TEP1: variants seen among roughly 807,000 people sequenced by gnomAD.
TEP1 encodes telomerase protein component 1.
Under a neutral mutation model 306.3 loss-of-function variants are expected in TEP1, and 241 were observed. The observed-to-expected ratio is 0.79, with a 90% CI of 0.71 to 0.88. The LOEUF (loss-of-function observed/expected upper bound fraction) is 0.88, where lower values mean the gene tolerates loss of function less well. TEP1 is among the 40% of genes least tolerant of loss of function. TEP1 has a pLI of 0.00. For synonymous variants in TEP1, 1,289 were observed against 1,305.5 expected, an observed-to-expected ratio of 0.99 and a Z score of 0.27; for missense variants, 3,051 against 3,276.1, an observed-to-expected ratio of 0.93 and a Z score of 1.68.
chr14:20,380,189 G>C, intron 34 of TEP1, 46 bp downstream of exon 34: 2 of 1,595,382 alleles, frequency 1.3e-6, no homozygotes, highest in Non-Finnish European at 1.7e-6. Flanking sequence ...AAGAGCTGCA[G>C]CTTGCTCTCT....
chr14:20,378,067 A>C lies in TEP1; in HGVS notation c.5678T>G (p.Leu1893Arg). ...CGTCAGTAACTGGCAACCCGCATGCAGGAAAAGCGCAGCAGCAACAAAGCC... is the reference window on the plus strand; with the variant it reads ...CGTCAGTAACTGGCAACCCGCATGCCGGAAAAGCGCAGCAGCAACAAAGCC... ...HHGFVAAALF[L>R]HAGCQLLTAG... Residue 1893 changes from leucine to arginine, a missense_variant, in exon 39 of 55, where the codon CTG becomes CGG. Leu to Arg is a moderately radical substitution (Grantham distance 102, BLOSUM62 -2). Transcript: ENST00000262715. The C allele has an allele frequency of 6.2e-7, 1 of 1,613,744 alleles. No homozygotes were observed. The highest frequency in any genetic ancestry group is 8.5e-7 in the Non-Finnish European group (1 of 1,180,020).
At position 20,391,054 on chromosome 14, in the gene TEP1, T is replaced by A. The variant is rs1877669460; in HGVS notation, c.2140A>T (p.Thr714Ser). The change falls in exon 14 of 55, where the codon ACG becomes TCG. Residue 714 changes from threonine (T) to serine (S), a missense_variant. Physicochemically the swap from Thr to Ser is moderately conservative, Grantham distance 58. Coordinates refer to ENST00000262715, the MANE Select transcript of TEP1 (RefSeq NM_007110.5). ...YALLLIGMMI[T>S]RAEQVDVVLC... ...ACGACGTCCACCTGCTCCGCCCTCG[T>A]GATCATCATCCCAATCAACAGCAGT... 1.2e-5 allele frequency: 20 copies of A among 1,614,046 alleles called. No homozygotes were observed. The highest frequency in any genetic ancestry group is 2.7e-5 in the African/African-American group (2 of 74,926).
chr14:20,403,404 T>G lies in TEP1; in HGVS notation c.1239A>C (p.Ile413=), dbSNP rs1203916262. Residue 413 remains isoleucine, a synonymous_variant, in exon 7 of 55, where the codon ATA becomes ATC. Coordinates refer to ENST00000262715, the MANE Select transcript of TEP1 (RefSeq NM_007110.5). ...PFSHRCFPRY[I]GFLREEQRKF... The stretch of plus-strand genomic sequence containing the variant: ...TTCTCTGCTCTTCTCTGAGAAACCC[T>G]ATGTACCTTGGAAAACATCTGTGAG... 7 of 1,614,052 alleles carry G rather than the reference T, an allele frequency of 4.3e-6. No homozygotes were observed. The highest frequency in any genetic ancestry group is 5.9e-6 in the Non-Finnish European group (7 of 1,180,036).
chr14:20,393,995 G>C (rs1018432099), intron 12 of TEP1, among the ~76,000 whole-genome samples: 1 of 152,096 alleles, frequency 6.6e-6, no homozygotes, highest in African/African-American at 2.4e-5. Context: ...GCTGAGGCAG[G>C]AGAATCACTT....
In TEP1 at chr14:20,382,291, T is replaced by C; in HGVS notation, c.4206A>G (p.Thr1402=). The change falls in exon 29 of 55, where the codon ACA becomes ACG. Residue 1402 remains threonine (T), a synonymous_variant. Coordinates refer to ENST00000262715, the MANE Select transcript of TEP1 (RefSeq NM_007110.5). ...CATCAGGCCCGTGCTCCTTCTCCAG[T>C]GTGCTCAGGATGTGCTGCAGCAGCA... The part of the protein sequence containing the change: ...VPLLLQHILS[T]LEKEHGPDVL... 1.2e-6 allele frequency: 2 copies of C among 1,614,048 alleles called. No homozygotes were observed. Among genetic ancestry groups the C allele is most frequent in the Non-Finnish European group, 1.7e-6 (2 of 1,179,974 alleles).
At position 20,377,275 on chromosome 14, in the gene TEP1, A is replaced by G. The variant is rs752541836; in HGVS notation, c.6088+5T>C. The G allele has an allele frequency of 4.4e-6, 7 of 1,607,538 alleles. No homozygotes were observed. The Admixed American group carries it at 8.4e-5, about 19-fold the overall frequency. ...TTGTTAACCCTGCCCACTGTCTAGTAGTACCTGAGGCAGAAGCCAAGAGCT... is the reference window on the plus strand; with the variant it reads ...TTGTTAACCCTGCCCACTGTCTAGTGGTACCTGAGGCAGAAGCCAAGAGCT... On this transcript the variant is annotated splice_donor_5th_base_variant and intron_variant, in intron 41 of 54. Transcript: ENST00000262715.
At position 20,377,743 on chromosome 14, in the gene TEP1, C is replaced by A. The variant is rs1885273989; in HGVS notation, c.5732G>T (p.Trp1911Leu). The A allele has an allele frequency of 6.2e-7, 1 of 1,613,430 alleles. No individual in the cohort carries two copies. Among genetic ancestry groups the A allele is most frequent in the African/African-American group, 1.3e-5 (1 of 74,838 alleles). ...ACGGGGCCGACCCAGAGACCCTGAC[C>A]ACACCTGAACCTGGGAACCAAGAAA... ...TAGEDGKVQV[W>L]SGSLGRPRGH... Residue 1911 changes from tryptophan (W) to leucine (L), a missense_variant, in exon 40 of 55, where the codon TGG becomes TTG. Trp to Leu is a moderately conservative substitution (Grantham distance 61). Coordinates refer to ENST00000262715, the MANE Select transcript of TEP1 (RefSeq NM_007110.5).
At chr14:20,409,307 C>T (rs1393667718) in intron 1 of TEP1, among the ~76,000 whole-genome samples, 1 of 152,150 alleles carries the variant, frequency 6.6e-6, no homozygotes, top group East Asian at 1.9e-4. Flanking sequence ...CTGAGGGATT[C>T]TTTCTCTGCC....
chr14:20,396,845 G>A lies in TEP1; in HGVS notation c.1550-115C>T, dbSNP rs112784545. On this transcript the variant is annotated intron_variant, in intron 9 of 54. Transcript: ENST00000262715. ...GAGACAGAAGGATCACTTGAGCCCAGAACCCAGGAATTAGAGTCCAGCCTG... is the reference window on the plus strand; with the variant it reads ...GAGACAGAAGGATCACTTGAGCCCAAAACCCAGGAATTAGAGTCCAGCCTG... 5.7e-5 allele frequency: 36 copies of A among 626,656 alleles called. 2 individuals carry two copies. The highest frequency in any genetic ancestry group is 5.5e-4 in the African/African-American group (30 of 54,114). 38.8% of individuals were successfully genotyped at this position (626,656 alleles called of 1,614,324 possible).
chr14:20,377,727 A>G lies in TEP1; in HGVS notation c.5748T>C (p.Gly1916=). The G allele has an allele frequency of 6.2e-7, 1 of 1,613,830 alleles. No homozygotes were observed. The highest frequency in any genetic ancestry group is 1.7e-5 in the Admixed American group (1 of 59,986). The part of the protein sequence containing the change: ...GKVQVWSGSL[G]RPRGHLGSLS... ...GGGAACCCAGGTGCCCACGGGGCCG[A>G]CCCAGAGACCCTGACCACACCTGAA... Residue 1916 remains glycine, a synonymous_variant, in exon 40 of 55, where the codon GGT becomes GGC. Coordinates refer to ENST00000262715, the MANE Select transcript of TEP1 (RefSeq NM_007110.5).
At chr14:20,386,415 G>A (rs745704966) in intron 19 of TEP1, 32 bp downstream of exon 19, 8 of 1,580,698 alleles carry the variant, frequency 5.1e-6, no homozygotes, top group African/African-American at 1.4e-5. Context: ...CCTCATCCCC[G>A]ACCCAGCCCC....
chr14:20,391,885 T>G, intron 12 of TEP1, 118 bp from the exon 13 acceptor site: 2 of 1,115,758 alleles, frequency 1.8e-6, no homozygotes, highest in Non-Finnish European at 2.6e-6. Flanking sequence ...TCAAGCACCA[T>G]ACCCGCTTCC....
In TEP1 at chr14:20,376,348, TG is replaced by T. The variant is rs1885177166; in HGVS notation, c.6089-85del. ...GGGAGGCCAAAGACAGGAGCGGCCA[TG>T]GGGGCTGAGGGTGACACCTGAGGCT... On this transcript the variant is annotated intron_variant, in intron 41 of 54. Coordinates refer to ENST00000262715, the MANE Select transcript of TEP1 (RefSeq NM_007110.5). 4 of 1,445,792 alleles carry T rather than the reference TG, an allele frequency of 2.8e-6. No homozygotes were observed. The Admixed American group carries it at 6.6e-5, about 24-fold the overall frequency. The allele number at this position is 1,445,792 out of a possible 1,614,324, so 89.6% of individuals were successfully genotyped here.
chr14:20,384,474 G>A lies in TEP1; in HGVS notation c.3256C>T (p.Arg1086Trp), dbSNP rs35099769. 3.4e-4 allele frequency: 552 copies of A among 1,613,952 alleles called. 1 individual carries two copies. In the African/African-American group the frequency reaches 6.5e-3, roughly 19 times the overall value. The change falls in exon 23 of 55, where the codon CGG becomes TGG. Residue 1086 changes from arginine (R) to tryptophan (W), a missense_variant. By Grantham distance (101) the Arg-to-Trp change is moderately radical. Coordinates refer to ENST00000262715, the MANE Select transcript of TEP1 (RefSeq NM_007110.5). ...TCCTCCAGCCCGCCAACATAGGGCC[G>A]GCCAGCTGCCACACCCCCCCACTCA... ...PCEWGGVAAGRPYVGGLEEFG... is the reference protein window; with the variant it reads ...PCEWGGVAAGWPYVGGLEEFG...
In TEP1 at chr14:20,381,500, C is replaced by T; in HGVS notation, c.4558+53G>A. On this transcript the variant is annotated intron_variant, in intron 31 of 54. Coordinates refer to ENST00000262715, the MANE Select transcript of TEP1 (RefSeq NM_007110.5). The surrounding 1 kb of genome is among the most constrained non-coding windows in gnomAD (Gnocchi z 4.0). ...TGGGAGCACAGTGGGTGGTCCTGGC[C>T]TCCAGGCCCAAGCCCCACACTCAGT... 1 of 1,612,770 alleles carries T rather than the reference C, an allele frequency of 6.2e-7. No homozygotes were observed. The highest frequency in any genetic ancestry group is 8.5e-7 in the Non-Finnish European group (1 of 1,179,980).
Position 20,369,865 on chromosome 14 carries a change from G to A in TEP1, c.7318-86C>T. Reference sequence around the variant, plus strand: ...AACAACAGTTTTCTGCTCTGGGCTGGTCAGGAATTTTTTTTTTTTTTAACT... The same window carrying A: ...AACAACAGTTTTCTGCTCTGGGCTGATCAGGAATTTTTTTTTTTTTTAACT... On this transcript the variant is annotated intron_variant, in intron 51 of 54. Coordinates refer to ENST00000262715, the MANE Select transcript of TEP1 (RefSeq NM_007110.5). 5 of 1,057,998 alleles carry A rather than the reference G, an allele frequency of 4.7e-6. No homozygotes were observed. The South Asian group carries it at 7.5e-5, about 16-fold the overall frequency. The allele number at this position is 1,057,998 out of a possible 1,614,324, so 65.5% of individuals were successfully genotyped here.
At chr14:20,380,593 C>G (rs1885476404) in intron 33 of TEP1, 118 bp from the exon 34 acceptor site, 1 of 1,416,726 alleles carries the variant, frequency 7.1e-7, no homozygotes, top group Non-Finnish European at 9.3e-7. Flanking sequence ...CCCTCTGGCC[C>G]TATATCAGGA....
In TEP1 at chr14:20,390,931, G is replaced by A. The variant is rs1594353915; in HGVS notation, c.2256+7C>T. ...TATTTTTGGATGGTGGGTGTTGAGT[G>A]TCTGACCTGGACTTGAGCCTGGAGC... On this transcript the variant is annotated splice_region_variant and intron_variant, in intron 14 of 54. Coordinates refer to ENST00000262715, the MANE Select transcript of TEP1 (RefSeq NM_007110.5). 1 of 1,614,048 alleles carries A rather than the reference G, an allele frequency of 6.2e-7. No homozygotes were observed. Among genetic ancestry groups the A allele is most frequent in the East Asian group, 2.2e-5 (1 of 44,876 alleles).
In TEP1 at chr14:20,371,624, A is replaced by C. The variant is rs914360534; in HGVS notation, c.7085T>G (p.Leu2362Arg). The C allele has an allele frequency of 6.4e-7, 1 of 1,573,772 alleles. No homozygotes were observed. Among genetic ancestry groups the C allele is most frequent in the African/African-American group, 1.4e-5 (1 of 72,312 alleles). Residue 2362 changes from leucine (L) to arginine (R), a missense_variant, in exon 50 of 55, where the codon CTG becomes CGG. Transcript: ENST00000262715. The stretch of plus-strand genomic sequence containing the variant: ...TAAGTCCTCCTGTAGAATTCGGTTC[A>C]GGTGAAGACTAGCTCAAAAAAGTAC... ...GSAPGNLSLH[L>R]NRILQEDLGV... is the part of the protein sequence containing the mutation.
Sources: gnomAD v4.1 joint callset for allele counts (sites outside exome capture counted in the v4.1 genomes callset) on GRCh38, gnomAD v4.1.1 for gene constraint, Gnocchi (gnomAD v3.1) non-coding constraint, MANE v1.5 for transcripts, NCBI Gene and HGNC (gene_info 2026-07-23, HGNC 2026-07-21) for gene names.